RTL4: variants seen among roughly 807,000 people sequenced by gnomAD.
The protein encoded by RTL4 is retrotransposon Gag-like protein 4.
In RTL4, 4 loss-of-function variants were observed where a neutral mutation model predicts 5.3. The ratio of observed to expected loss-of-function variants is 0.75; its 90% CI spans 0.37 to 1.72. RTL4 has a LOEUF of 1.72. Among genes scored for constraint, RTL4 ranks in the 40% most tolerant of loss-of-function variants. RTL4 has a pLI of 0.04. For synonymous variants in RTL4, 98 were observed against 87.3 expected (o/e 1.12, Z -0.68); for missense variants, 260 against 227.1 (o/e 1.14, Z -0.93).
rs144760752 is a variant in RTL4, at chrX:112,455,373, G to A, written c.645G>A (p.Leu215=). ...ACCTGATCACTCAGTGCATTCAGTT[G>A]GACAAGAAACATAGTGACAGGCCAG... The change falls in exon 1 of 1, where the codon TTG becomes TTA. Residue 215 remains leucine, a synonymous_variant. Transcript: ENST00000340433. 8.4e-5 allele frequency: 102 copies of A among 1,209,623 alleles called. No individual in the cohort carries two copies. In the African/African-American group the frequency reaches 1.2e-3, roughly 15 times the overall value.
chrX:112,287,129 C>T, the RTL4 span, among the ~76,000 whole-genome samples: 1 of 111,884 alleles, frequency 8.9e-6, no homozygotes, highest in Admixed American at 9.5e-5. Context: ...AGCGCAGTGC[C>T]TGACTCATAG....
chrX:112,179,197 G>A, the RTL4 span, among the ~76,000 whole-genome samples: 1 of 111,157 alleles, frequency 9.0e-6, no homozygotes, highest in Non-Finnish European at 1.9e-5. Context: ...ATATTAAAAT[G>A]CTAATACTGA....
At chrX:112,104,382 C>T in the RTL4 span, among the ~76,000 whole-genome samples, 1 of 112,210 alleles carries the variant, frequency 8.9e-6, no homozygotes, top group Non-Finnish European at 1.9e-5. Flanking sequence ...AGCTCTTCAG[C>T]ATACTGATTT....
chrX:112,087,013 C>T, the RTL4 span, among the ~76,000 whole-genome samples: 665 of 111,763 alleles, frequency 6.0e-3, 8 homozygotes, highest in African/African-American at 0.02. Flanking sequence ...TTGCTGTCCT[C>T]ACCATTAATA....
chrX:112,454,098 C>G (rs947528898), upstream of RTL4, among the ~76,000 whole-genome samples: 3 of 111,744 alleles, frequency 2.7e-5, no homozygotes, highest in African/African-American at 9.8e-5. Context: ...TTCTTTGACT[C>G]TCTGATGGAA....
the RTL4 span, among the ~76,000 whole-genome samples, chrX:112,140,263 C>A: frequency 1.8e-5 from 2 of 111,336 alleles, no homozygotes; most frequent in South Asian, 7.6e-4. Flanking sequence ...GTCCCAGCCT[C>A]AAAATCAGAC....
chrX:112,248,006 T>C, the RTL4 span, among the ~76,000 whole-genome samples: 3 of 112,267 alleles, frequency 2.7e-5, no homozygotes, highest in African/African-American at 6.5e-5. Context: ...TTCTTCCCCA[T>C]CTACACCAAA....
chrX:112,382,869 A>G, the RTL4 span, among the ~76,000 whole-genome samples: 2 of 112,114 alleles, frequency 1.8e-5, no homozygotes, highest in Non-Finnish European at 3.8e-5. Flanking sequence ...GTAAGAAAAG[A>G]TGAAGGAGAC....
the RTL4 span, among the ~76,000 whole-genome samples, chrX:112,405,552 A>T: frequency 1.8e-5 from 2 of 112,148 alleles, no homozygotes; most frequent in South Asian, 7.4e-4. Flanking sequence ...TTTTCTCTGA[A>T]CAAAGTTCAG....
At chrX:112,415,471 CA>C in the RTL4 span, among the ~76,000 whole-genome samples, 930 of 111,230 alleles carry the variant, frequency 8.4e-3, 8 homozygotes, top group African/African-American at 0.029. Context: ...GGATATATGA[CA>C]TTTTTTTTAC....
chrX:112,446,803 G>A, the RTL4 span, among the ~76,000 whole-genome samples: 3 of 111,627 alleles, frequency 2.7e-5, no homozygotes, highest in Admixed American at 1.9e-4. Context: ...AGTCAAGATC[G>A]CTCCATTGCA....
At chrX:112,254,967 A>T in the RTL4 span, among the ~76,000 whole-genome samples, 3 of 111,559 alleles carry the variant, frequency 2.7e-5, no homozygotes, top group Non-Finnish European at 5.6e-5. Context: ...GTAATACAAA[A>T]CTTTTTTCCA....
the RTL4 span, among the ~76,000 whole-genome samples, chrX:112,236,225 C>T: frequency 9.3e-6 from 1 of 107,847 alleles, no homozygotes; most frequent in Admixed American, 1.0e-4. Flanking sequence ...ATGTGATTTG[C>T]CTATTCCTAT....
the RTL4 span, among the ~76,000 whole-genome samples, chrX:112,238,512 G>C: frequency 6.9e-3 from 768 of 111,079 alleles, 8 homozygotes; most frequent in African/African-American, 0.024. Context: ...ATTACAAAGA[G>C]TGCTGGAATG....
chrX:112,401,696 C>T, the RTL4 span, among the ~76,000 whole-genome samples: 1 of 111,575 alleles, frequency 9.0e-6, no homozygotes, highest in African/African-American at 3.3e-5. Flanking sequence ...TTACCCACTT[C>T]CTGTCTCTGA....
the RTL4 span, among the ~76,000 whole-genome samples, chrX:112,194,586 C>T: frequency 2.7e-5 from 3 of 111,721 alleles, no homozygotes; most frequent in Admixed American, 2.9e-4. Context: ...TTATGGCAGC[C>T]CTAGCTGACA....
the RTL4 span, among the ~76,000 whole-genome samples, chrX:112,390,004 G>T: frequency 1.0e-5 from 1 of 96,802 alleles, no homozygotes; most frequent in African/African-American, 3.8e-5. Context: ...GTGAAGTATT[G>T]AAGTCTCCCA....
chrX:112,283,356 A>G, the RTL4 span, among the ~76,000 whole-genome samples: 1 of 111,677 alleles, frequency 9.0e-6, no homozygotes, highest in African/African-American at 3.2e-5. Context: ...GTCTGCTATC[A>G]TGCTATGAGC....
At chrX:112,315,432 A>T in the RTL4 span, among the ~76,000 whole-genome samples, 2 of 111,372 alleles carry the variant, frequency 1.8e-5, no homozygotes, top group African/African-American at 6.5e-5. Context: ...AATACTGGAG[A>T]TGTGGTCCAG....
Sources: allele counts gnomAD v4.1 joint callset (sites outside exome capture counted in the v4.1 genomes callset), GRCh38; gene constraint gnomAD v4.1.1; transcripts MANE v1.5; gene names NCBI Gene and HGNC (gene_info 2026-07-23, HGNC 2026-07-21).